RICTOR: variants seen among roughly 807,000 people sequenced by gnomAD.
The protein encoded by RICTOR is rapamycin-insensitive companion of mTOR.
A neutral mutation model predicts 214.9 loss-of-function variants in RICTOR; 49 were observed. That is an observed-to-expected ratio of 0.23 (90% CI 0.18 to 0.29). The LOEUF is 0.29. Among genes scored for constraint, RICTOR ranks in the 10% least tolerant of loss-of-function variants. The pLI, the probability that RICTOR is intolerant of heterozygous loss-of-function variation, is 1.00. For synonymous variants in RICTOR, 717 were observed against 711.3 expected (o/e 1.01, Z -0.13); for missense variants, 1,625 against 2,047.0 (o/e 0.79, Z 3.98).
chr5:39,037,643 C>T (rs542047349), intron 2 of RICTOR, among the ~76,000 whole-genome samples: 2 of 152,296 alleles, frequency 1.3e-5, no homozygotes, highest in East Asian at 3.9e-4. Context: ...GGTATCACCA[C>T]CAATCCCACA....
At chr5:38,966,527 A>T (rs781209282) in intron 15 of RICTOR, 114 bp downstream of exon 15, 5 of 661,044 alleles carry the variant, frequency 7.6e-6, no homozygotes, top group Non-Finnish European at 1.3e-5. Flanking sequence ...AAACATTTAT[A>T]AGAAATGCAA....
At chr5:39,010,737 A>C (rs890320188) in intron 3 of RICTOR, among the ~76,000 whole-genome samples, 10 of 152,216 alleles carry the variant, frequency 6.6e-5, no homozygotes, top group African/African-American at 2.4e-4. Context: ...GGAACTCTGA[A>C]CTTGAGAGAA....
Position 39,031,965 on chromosome 5 carries a change from G to A in RICTOR, c.98-10829C>T, listed in dbSNP as rs548793530. Among the ~76,000 whole-genome samples, 16 of 152,300 alleles carry A rather than the reference G, an allele frequency of 1.1e-4. No homozygotes were observed. The South Asian group carries it at 2.9e-3, about 28-fold the overall frequency. On this transcript the variant is annotated intron_variant, in intron 2 of 37. Transcript: ENST00000357387. ...ACCTTTATCCACAGGTACAAAAGGT[G>A]AGAAAAGCATTGCTTCAAACAATCT...
At chr5:39,042,365 T>G (rs907430162) in intron 2 of RICTOR, among the ~76,000 whole-genome samples, 1 of 152,226 alleles carries the variant, frequency 6.6e-6, no homozygotes, top group African/African-American at 2.4e-5. Flanking sequence ...CTAATATTTT[T>G]GCATGAATAA....
chr5:39,015,587 C>G (rs761962932), intron 3 of RICTOR, among the ~76,000 whole-genome samples: 3 of 151,712 alleles, frequency 2.0e-5, no homozygotes, highest in Admixed American at 6.6e-5. Flanking sequence ...GTGCTGAACA[C>G]CCTAAAATAC....
intron 4 of RICTOR, 22 bp downstream of exon 4, chr5:39,003,535 AG>A (rs759981122): frequency 4.7e-6 from 7 of 1,495,574 alleles, no homozygotes; most frequent in South Asian, 1.2e-5. Flanking sequence ...AAGGGATGGG[AG>A]GGGGGAATGA....
intron 3 of RICTOR, among the ~76,000 whole-genome samples, chr5:39,019,670 G>A (rs566211110): frequency 8.5e-5 from 13 of 152,272 alleles, no homozygotes; most frequent in African/African-American, 2.9e-4. Context: ...TCACCCAAGA[G>A]TTGACAGTTA....
intron 3 of RICTOR, among the ~76,000 whole-genome samples, chr5:39,006,978 A>C (rs1158614319): frequency 6.6e-6 from 1 of 152,180 alleles, no homozygotes; most frequent in African/African-American, 2.4e-5. Context: ...AAGTAGTTAC[A>C]AATTTAAGAG....
intron 7 of RICTOR, among the ~76,000 whole-genome samples, chr5:38,987,872 T>C (rs1752294568): frequency 6.6e-6 from 1 of 152,202 alleles, no homozygotes; most frequent in Non-Finnish European, 1.5e-5. Context: ...TAAACACTGC[T>C]TTAGCTGTGT....
chr5:38,968,858 G>A (rs1009191138), intron 11 of RICTOR, among the ~76,000 whole-genome samples: 1 of 151,760 alleles, frequency 6.6e-6, no homozygotes, highest in African/African-American at 2.4e-5. Flanking sequence ...CCAGTATACT[G>A]CCCCTGGAGA....
chr5:38,984,816 T>G lies in RICTOR; in HGVS notation c.584-2780A>C, dbSNP rs192777809. Reference sequence around the variant, plus strand: ...GTTGAACTTTTAAAATATGTTGTTGTTGTTGGTGGTGGTGGTGTTTTGATA... The same window carrying G: ...GTTGAACTTTTAAAATATGTTGTTGGTGTTGGTGGTGGTGGTGTTTTGATA... On this transcript the variant is annotated intron_variant, in intron 7 of 37. Transcript: ENST00000357387. Among the ~76,000 whole-genome samples the G allele has an allele frequency of 2.6e-3, 394 of 152,148 alleles. 2 individuals carry two copies. The highest frequency in any genetic ancestry group is 2.9e-3 in the Non-Finnish European group (195 of 67,986).
chr5:39,065,318 C>T (rs1261015428), intron 2 of RICTOR, among the ~76,000 whole-genome samples: 1 of 152,104 alleles, frequency 6.6e-6, no homozygotes, highest in Admixed American at 6.6e-5. Flanking sequence ...CCTACTATCA[C>T]GAAGACAGCA....
intron 6 of RICTOR, among the ~76,000 whole-genome samples, chr5:38,992,661 T>C (rs1752873984): frequency 6.6e-6 from 1 of 152,192 alleles, no homozygotes; most frequent in Non-Finnish European, 1.5e-5. Flanking sequence ...CTATGAAATA[T>C]ATACATAAAA....
intron 16 of RICTOR, among the ~76,000 whole-genome samples, chr5:38,964,108 T>G (rs1396341033): frequency 6.6e-6 from 1 of 151,796 alleles, no homozygotes; most frequent in Non-Finnish European, 1.5e-5. Flanking sequence ...AAATCGTCCA[T>G]GTATGTTTTT....
intron 2 of RICTOR, among the ~76,000 whole-genome samples, chr5:39,032,148 T>C (rs1244673546): frequency 6.6e-6 from 1 of 152,182 alleles, no homozygotes; most frequent in Non-Finnish European, 1.5e-5. Context: ...ACCTATTCCA[T>C]CTTTGGATAG....
chr5:38,976,910 G>C (rs770259100), intron 9 of RICTOR, among the ~76,000 whole-genome samples: 2 of 152,126 alleles, frequency 1.3e-5, no homozygotes, highest in Non-Finnish European at 2.9e-5. Flanking sequence ...CCTGATCTCT[G>C]GGTCCTGTGA....
chr5:39,067,786 G>A (rs189101749), intron 2 of RICTOR, among the ~76,000 whole-genome samples: 11 of 152,190 alleles, frequency 7.2e-5, no homozygotes, highest in Admixed American at 7.2e-4. Context: ...CCATTTTATG[G>A]CACCATCAAT....
In RICTOR at chr5:39,003,626, T is replaced by C. The variant is rs753813656; in HGVS notation, c.196-4A>G. 4.4e-6 allele frequency: 7 copies of C among 1,596,966 alleles called. No individual in the cohort carries two copies. Among genetic ancestry groups the C allele is most frequent in the Non-Finnish European group, 6.0e-6 (7 of 1,167,164 alleles). On this transcript the variant is annotated splice_region_variant and splice_polypyrimidine_tract_variant and intron_variant, in intron 3 of 37. Transcript: ENST00000357387. ...TGTGGCCAATATCACAAAGAAGCTGTCAGAAAAACAAAATAAGTGTGCATT... is the reference window on the plus strand; with the variant it reads ...TGTGGCCAATATCACAAAGAAGCTGCCAGAAAAACAAAATAAGTGTGCATT...
rs770171395 is a variant in RICTOR, at chr5:38,962,606, A to G, written c.1567-20T>C. On this transcript the variant is annotated intron_variant, in intron 17 of 37. Coordinates refer to ENST00000357387, the MANE Select transcript of RICTOR (RefSeq NM_152756.5). ...TGTATCCTAAAATCATCAGAAAGTAATAAGAAAAATTAAGGCAAACTGTCC... is the reference window on the plus strand; with the variant it reads ...TGTATCCTAAAATCATCAGAAAGTAGTAAGAAAAATTAAGGCAAACTGTCC... 5 of 1,348,522 alleles carry G rather than the reference A, an allele frequency of 3.7e-6. No homozygotes were observed. Among genetic ancestry groups the G allele is most frequent in the Middle Eastern group, 1.8e-4 (1 of 5,406 alleles). 83.5% of individuals were successfully genotyped at this position (1,348,522 alleles called of 1,614,324 possible). A position where few individuals can be genotyped will look rare whatever the true frequency, so the allele number is the denominator to read the frequency against.
Sources: allele counts gnomAD v4.1 joint callset (sites outside exome capture counted in the v4.1 genomes callset), GRCh38; gene constraint gnomAD v4.1.1; transcripts MANE v1.5; gene names NCBI Gene and HGNC (gene_info 2026-07-23, HGNC 2026-07-21).